OSBPL10: variants seen among roughly 807,000 people sequenced by gnomAD.
The protein encoded by OSBPL10 is oxysterol binding protein like 10.
OSBPL10 carries 49 observed loss-of-function variants against 81.7 expected under a neutral mutation model. The observed-to-expected ratio is 0.60, with a 90% confidence interval of 0.48 to 0.76. OSBPL10 has a LOEUF of 0.76. Among genes scored for constraint, OSBPL10 ranks in the 30% least tolerant of loss-of-function variants. OSBPL10 has a pLI of 0.00. For missense variants in OSBPL10, 923 were observed against 987.8 expected (o/e 0.93, Z 0.88); for synonymous variants, 419 against 383.6 (o/e 1.09, Z -1.08).
intron 2 of OSBPL10, among the ~76,000 whole-genome samples, chr3:32,023,731 C>T (rs1462394670): frequency 6.6e-6 from 1 of 152,184 alleles, no homozygotes; most frequent in East Asian, 1.9e-4. Context: ...ATAGTTTCTT[C>T]TCATCGGCAA....
intron 4 of OSBPL10, among the ~76,000 whole-genome samples, chr3:31,808,388 C>T (rs1476765463): frequency 1.3e-5 from 2 of 152,198 alleles, no homozygotes; most frequent in Non-Finnish European, 2.9e-5. Context: ...CCAAATGTAG[C>T]CAGTTGCCTT....
intron 8 of OSBPL10, among the ~76,000 whole-genome samples, chr3:31,682,350 A>C (rs1575472443): frequency 6.6e-6 from 1 of 152,270 alleles, no homozygotes; most frequent in African/African-American, 2.4e-5. Flanking sequence ...GTCCCTAGCA[A>C]TAGCCCATGA....
At chr3:31,903,270 A>T (rs2125680171) in intron 1 of OSBPL10, among the ~76,000 whole-genome samples, 1 of 150,442 alleles carries the variant, frequency 6.6e-6, no homozygotes, top group African/African-American at 2.4e-5. Flanking sequence ...AATTGCTAAT[A>T]TTTCCCTAAC....
chr3:31,989,132 C>T lies in OSBPL10; in HGVS notation n.298+57359G>A. 1.2e-6 allele frequency: 2 copies of T among 1,614,168 alleles called. No homozygotes were observed. The highest frequency in any genetic ancestry group is 1.7e-6 in the Non-Finnish European group (2 of 1,180,036). On this transcript the variant is annotated intron_variant and non_coding_transcript_variant, in intron 2 of 3. Transcript: ENST00000479173. The stretch of plus-strand genomic sequence containing the variant: ...AGGAAAGAAAAGGAGCCAGGCATGG[C>T]TCTTCCTCAGGGACACTTGACTTTT...
chr3:31,844,050 A>T (rs1484936727), intron 3 of OSBPL10, among the ~76,000 whole-genome samples: 1 of 152,216 alleles, frequency 6.6e-6, no homozygotes, highest in Non-Finnish European at 1.5e-5. Flanking sequence ...CCCCATGAGC[A>T]ATTATGATAA....
intron 3 of OSBPL10, among the ~76,000 whole-genome samples, chr3:31,834,437 C>T (rs1481191494): frequency 6.6e-6 from 1 of 152,208 alleles, no homozygotes; most frequent in Admixed American, 6.5e-5. Context: ...TTCGTAAGCA[C>T]CTGGCTGATG....
intron 6 of OSBPL10, among the ~76,000 whole-genome samples, chr3:31,730,751 A>G (rs1696950452): frequency 6.6e-6 from 1 of 152,218 alleles, no homozygotes; most frequent in East Asian, 1.9e-4. Context: ...ACTGTTTCAG[A>G]TGTAGGTTAT....
chr3:31,747,463 A>G (rs1340999587), intron 5 of OSBPL10, among the ~76,000 whole-genome samples: 7 of 148,820 alleles, frequency 4.7e-5, no homozygotes, highest in African/African-American at 1.7e-4. Flanking sequence ...GTACCCACTG[A>G]ATGGAATGAA....
At chr3:31,757,583 A>G (rs1225084981) in intron 4 of OSBPL10, among the ~76,000 whole-genome samples, 1 of 152,262 alleles carries the variant, frequency 6.6e-6, no homozygotes, top group East Asian at 1.9e-4. Flanking sequence ...TTAATGCAGT[A>G]CTAGTAAACT....
intron 4 of OSBPL10, among the ~76,000 whole-genome samples, chr3:31,798,953 A>G (rs1347337162): frequency 1.3e-5 from 2 of 152,184 alleles, no homozygotes; most frequent in Non-Finnish European, 2.9e-5. Context: ...AACTCCTATG[A>G]GAATCTAATG....
At chr3:31,904,301 G>A (rs1292151970) in intron 1 of OSBPL10, among the ~76,000 whole-genome samples, 5 of 152,112 alleles carry the variant, frequency 3.3e-5, no homozygotes, top group East Asian at 1.9e-4. Flanking sequence ...CCCAGTTGGC[G>A]GATATCAGGG....
At chr3:32,043,282 T>C (rs1315892988) in intron 2 of OSBPL10, among the ~76,000 whole-genome samples, 2 of 152,124 alleles carry the variant, frequency 1.3e-5, no homozygotes, top group Admixed American at 6.5e-5. Flanking sequence ...AGAAGAAAAA[T>C]ATGGCTGTAT....
chr3:31,738,894 G>A (rs1213270026), intron 5 of OSBPL10, among the ~76,000 whole-genome samples: 1 of 151,946 alleles, frequency 6.6e-6, no homozygotes, highest in East Asian at 1.9e-4. Flanking sequence ...CAAGAAATGG[G>A]GATGTCATAT....
At chr3:31,736,930 A>G (rs2085310) in intron 5 of OSBPL10, among the ~76,000 whole-genome samples, 64,003 of 152,050 alleles carry the variant, frequency 0.42, 13,995 homozygotes, top group East Asian at 0.71. Flanking sequence ...AAAGAGATCT[A>G]CTTGCCTAGG....
intron 4 of OSBPL10, among the ~76,000 whole-genome samples, chr3:31,753,230 C>A (rs1166287505): frequency 6.7e-6 from 1 of 149,654 alleles, no homozygotes; most frequent in Admixed American, 6.7e-5. Context: ...CTTTATTGAC[C>A]AGGCTGGAGT....
At chr3:31,929,423 A>G (rs894148172) in intron 1 of OSBPL10, among the ~76,000 whole-genome samples, 2 of 152,208 alleles carry the variant, frequency 1.3e-5, no homozygotes, top group African/African-American at 2.4e-5. Flanking sequence ...AGTATAATCA[A>G]AGAAAATACT....
intron 4 of OSBPL10, among the ~76,000 whole-genome samples, chr3:31,817,690 T>C (rs1447089806): frequency 1.3e-5 from 2 of 152,150 alleles, no homozygotes; most frequent in Admixed American, 6.5e-5. Flanking sequence ...GCCTGCTTGA[T>C]AGAGCAGGAG....
At chr3:32,075,428 A>T (rs1428073655) in intron 1 of OSBPL10, among the ~76,000 whole-genome samples, 1 of 152,036 alleles carries the variant, frequency 6.6e-6, no homozygotes. Context: ...TGTCCTGGGT[A>T]CTCCCAACTC....
chr3:31,824,529 A>G (rs1700056193), intron 4 of OSBPL10, among the ~76,000 whole-genome samples: 1 of 152,170 alleles, frequency 6.6e-6, no homozygotes, highest in South Asian at 2.1e-4. Context: ...ACTGGAAACG[A>G]TCGCAAGGTT....
Sources: allele counts gnomAD v4.1 joint callset (sites outside exome capture counted in the v4.1 genomes callset), GRCh38; gene constraint gnomAD v4.1.1; transcripts MANE v1.5; gene names NCBI Gene and HGNC (gene_info 2026-07-23, HGNC 2026-07-21).